SYNJ1: variants seen among roughly 807,000 people sequenced by gnomAD.
The protein encoded by SYNJ1 is polyphosphatidylinositol phosphatase SYNJ1.
A neutral mutation model predicts 168.2 loss-of-function variants in SYNJ1; 78 were observed. That is an observed-to-expected ratio of 0.46 (90% CI 0.39 to 0.56). SYNJ1 has a LOEUF of 0.56. Ranked by LOEUF, SYNJ1 falls within the 20% of genes least tolerant of loss-of-function variation. The pLI is 0.00. For missense variants in SYNJ1, 1,303 were observed against 1,597.6 expected, an observed-to-expected ratio of 0.82 and a Z score of 3.14; for synonymous variants, 539 against 548.6, an observed-to-expected ratio of 0.98 and a Z score of 0.24.
chr21:32,703,710 A>C (rs1214321949), intron 2 of SYNJ1, among the ~76,000 whole-genome samples: 1 of 152,076 alleles, frequency 6.6e-6, no homozygotes, highest in Non-Finnish European at 1.5e-5. Flanking sequence ...GGAGTTAAGA[A>C]GAAAATATAG....
At chr21:32,723,117 T>C (rs1285799672) in intron 2 of SYNJ1, among the ~76,000 whole-genome samples, 2 of 152,246 alleles carry the variant, frequency 1.3e-5, no homozygotes, top group African/African-American at 4.8e-5. Context: ...CATGACTGAT[T>C]TAAGCTTAGA....
chr21:32,635,623 C>T (rs1483152811), intron 31 of SYNJ1, among the ~76,000 whole-genome samples: 3 of 152,102 alleles, frequency 2.0e-5, no homozygotes, highest in Non-Finnish European at 2.9e-5. Context: ...CTAGGGATGT[C>T]ATTATTAGAG....
rs573660448 is a variant in SYNJ1 at position 32,694,889 on chromosome 21, G to GT, written c.705+167dup. Among the ~76,000 whole-genome samples, 129 of 152,000 alleles carry GT rather than the reference G, an allele frequency of 8.5e-4. 1 individual carries two copies. The South Asian group carries it at 0.017, about 20-fold the overall frequency. On this transcript the variant is annotated intron_variant, in intron 5 of 32. Coordinates refer to ENST00000674351, the MANE Select transcript of SYNJ1 (RefSeq NM_203446.3). Reference sequence around the variant, plus strand: ...TAGATGAAGAGCCACACCAAAATAAGTTTTTTTTAGGGAAGCCTTTTTTTA... The same window carrying GT: ...TAGATGAAGAGCCACACCAAAATAAGTTTTTTTTTAGGGAAGCCTTTTTTTA...
chr21:32,643,242 G>A lies in SYNJ1; in HGVS notation c.3478+168C>T, dbSNP rs115230627. On this transcript the variant is annotated intron_variant, in intron 27 of 32. Coordinates refer to ENST00000674351, the MANE Select transcript of SYNJ1 (RefSeq NM_203446.3). ...TTAGAAACTATAGGTGACATAGAAT[G>A]AAGAGAGGAAAAAATACAAGGTATA... Among the ~76,000 whole-genome samples the A allele has an allele frequency of 1.2e-3, 182 of 151,650 alleles. 1 individual carries two copies. The highest frequency in any genetic ancestry group is 4.2e-3 in the African/African-American group (175 of 41,322).
intron 22 of SYNJ1, 85 bp from the exon 23 acceptor site, chr21:32,650,431 G>A: frequency 8.3e-7 from 1 of 1,206,602 alleles, no homozygotes; most frequent in Non-Finnish European, 1.2e-6. Flanking sequence ...GTTAAACTAT[G>A]CAATGGTATA....
rs116810192 is a variant in SYNJ1 at position 32,631,485 on chromosome 21, G to A, written c.*320C>T. ...GGCTCTAAATGGGTTTCCAGGAGCAGCAGTCCTGTCACTGAAAGGATTTGT... is the reference window on the plus strand; with the variant it reads ...GGCTCTAAATGGGTTTCCAGGAGCAACAGTCCTGTCACTGAAAGGATTTGT... On this transcript the variant is annotated 3_prime_UTR_variant, in exon 33 of 33. Transcript: ENST00000674351. The A allele has an allele frequency of 3.7e-6, 6 of 1,614,118 alleles. No individual in the cohort carries two copies. In the African/African-American group the frequency reaches 6.7e-5, roughly 18 times the overall value.
At chr21:32,695,995 C>T (rs1025201963) in intron 4 of SYNJ1, among the ~76,000 whole-genome samples, 5 of 152,078 alleles carry the variant, frequency 3.3e-5, no homozygotes, top group Non-Finnish European at 7.4e-5. Flanking sequence ...CACAGGCGCC[C>T]ACCACCATGC....
At chr21:32,720,685 T>A (rs2146374129) in intron 2 of SYNJ1, among the ~76,000 whole-genome samples, 2 of 152,346 alleles carry the variant, frequency 1.3e-5, no homozygotes, top group South Asian at 4.1e-4. Flanking sequence ...AAGCAATTCA[T>A]CCTTACTCCC....
intron 2 of SYNJ1, among the ~76,000 whole-genome samples, chr21:32,708,485 T>C (rs2042697458): frequency 6.6e-6 from 1 of 152,196 alleles, no homozygotes; most frequent in African/African-American, 2.4e-5. Flanking sequence ...TTTCTAACCA[T>C]AAGTAGGTAG....
chr21:32,635,004 A>C, intron 31 of SYNJ1, 120 bp from the exon 32 acceptor site: 3 of 969,740 alleles, frequency 3.1e-6, no homozygotes, highest in Non-Finnish European at 4.8e-6. Context: ...ACCCAAGAGC[A>C]GCAATATTTG....
At position 32,688,417 on chromosome 21, in the gene SYNJ1, G is replaced by C. The variant is rs371891931; in HGVS notation, c.790-50C>G. Reference sequence around the variant, plus strand: ...TCAAACCAAAAACCAACATATAGACGAAAGAAATATCACTGCTTACAATAT... The same window carrying C: ...TCAAACCAAAAACCAACATATAGACCAAAGAAATATCACTGCTTACAATAT... On this transcript the variant is annotated intron_variant, in intron 6 of 32. Transcript: ENST00000674351. The C allele has an allele frequency of 2.4e-4, 359 of 1,487,314 alleles. 2 individuals carry two copies. The Admixed American group carries it at 6.0e-3, about 25-fold the overall frequency. 92.1% of individuals were successfully genotyped at this position (1,487,314 alleles called of 1,614,324 possible).
intron 31 of SYNJ1, among the ~76,000 whole-genome samples, chr21:32,635,318 C>T (rs2145687257): frequency 6.6e-6 from 1 of 152,184 alleles, no homozygotes; most frequent in South Asian, 2.1e-4. Flanking sequence ...AGGTGGGACC[C>T]CATGATGGAA....
At chr21:32,639,204 A>G in intron 30 of SYNJ1, 79 bp from the exon 31 acceptor site, 1 of 1,303,616 alleles carries the variant, frequency 7.7e-7, no homozygotes, top group Non-Finnish European at 1.1e-6. Flanking sequence ...AAATGTTAGG[A>G]GAACATTCTA....
intron 9 of SYNJ1, 83 bp from the exon 10 acceptor site, chr21:32,684,202 T>A: frequency 7.6e-7 from 1 of 1,316,000 alleles, no homozygotes; most frequent in Non-Finnish European, 1.1e-6. Flanking sequence ...AATTAAAATG[T>A]AGCATCCACC....
chr21:32,684,786 C>T (rs539610612), intron 9 of SYNJ1, among the ~76,000 whole-genome samples: 3 of 152,164 alleles, frequency 2.0e-5, no homozygotes, highest in Admixed American at 1.3e-4. Context: ...TGGAGCCAGA[C>T]GAATCCCAGT....
At chr21:32,673,293 A>G in intron 14 of SYNJ1, 47 bp downstream of exon 14, 2 of 1,544,172 alleles carry the variant, frequency 1.3e-6, no homozygotes, top group South Asian at 1.2e-5. Context: ...AGATCAATAC[A>G]ACACAGTCAG....
intron 2 of SYNJ1, among the ~76,000 whole-genome samples, chr21:32,719,674 T>C (rs111872159): frequency 0.066 from 9,861 of 150,048 alleles, 338 homozygotes; most frequent in African/African-American, 0.083. Flanking sequence ...GACCGTGCCA[T>C]TGCACTCCAA....
chr21:32,644,965 T>C lies in SYNJ1; in HGVS notation c.3430+3A>G. 1 of 1,607,590 alleles carries C rather than the reference T, an allele frequency of 6.2e-7. No homozygotes were observed. ...ACACATGCTAACAAATGTAAATGGT[T>C]ACCTCCAAATTCCTTTCTAGTGGGT... On this transcript the variant is annotated splice_donor_region_variant and intron_variant, in intron 26 of 32. Coordinates refer to ENST00000674351, the MANE Select transcript of SYNJ1 (RefSeq NM_203446.3).
intron 6 of SYNJ1, among the ~76,000 whole-genome samples, chr21:32,693,963 T>A (rs1180220962): frequency 6.6e-6 from 1 of 152,146 alleles, no homozygotes; most frequent in Non-Finnish European, 1.5e-5. Context: ...ACATTGCAAA[T>A]CAATACACTA....
Sources: gnomAD v4.1 joint callset for allele counts (sites outside exome capture counted in the v4.1 genomes callset) on GRCh38, gnomAD v4.1.1 for gene constraint, MANE v1.5 for transcripts, NCBI Gene and HGNC (gene_info 2026-07-23, HGNC 2026-07-21) for gene names.